The following COL23A1 variants were observed in gnomAD, a reference collection of about 807,000 sequenced individuals.
COL23A1 encodes the protein collagen type XXIII alpha 1 chain.
Under a neutral mutation model 99.3 loss-of-function variants are expected in COL23A1, and 97 were observed. That is an observed-to-expected ratio of 0.98 (90% confidence interval 0.83 to 1.16). The LOEUF is 1.16. COL23A1 is among the 50% of genes most tolerant of loss of function. The pLI, the probability that COL23A1 is intolerant of heterozygous loss-of-function variation, is 0.00. For synonymous variants in COL23A1, 320 were observed against 308.2 expected (o/e 1.04, Z -0.40); for missense variants, 762 against 757.4 (o/e 1.01, Z -0.07).
intron 2 of COL23A1, among the ~76,000 whole-genome samples, chr5:178,526,241 G>A (rs1057229702): frequency 6.6e-6 from 1 of 152,186 alleles, no homozygotes; most frequent in Non-Finnish European, 1.5e-5. Flanking sequence ...TGGCTGCCCC[G>A]GGAACTGCCC....
At chr5:178,491,192 G>A (rs1402971536) in intron 2 of COL23A1, among the ~76,000 whole-genome samples, 4 of 151,908 alleles carry the variant, frequency 2.6e-5, no homozygotes, top group Non-Finnish European at 4.4e-5. Context: ...AACGAGGAGG[G>A]GGGAGATTAC....
At chr5:178,381,790 C>A (rs1437871368) in intron 2 of COL23A1, among the ~76,000 whole-genome samples, 1 of 152,196 alleles carries the variant, frequency 6.6e-6, no homozygotes, top group Non-Finnish European at 1.5e-5. Flanking sequence ...TGGGTGCCAC[C>A]ACGCCCGGCT....
chr5:178,440,236 C>A (rs1393057811), intron 2 of COL23A1, among the ~76,000 whole-genome samples: 1 of 152,182 alleles, frequency 6.6e-6, no homozygotes, highest in African/African-American at 2.4e-5. Flanking sequence ...TTGCTGGACA[C>A]CCAATGTGCT....
intron 18 of COL23A1, 38 bp downstream of exon 18, chr5:178,250,023 G>A (rs1764948771): frequency 1.9e-6 from 3 of 1,610,332 alleles, no homozygotes; most frequent in Non-Finnish European, 1.7e-6. Flanking sequence ...CCCAATACCA[G>A]GCACTGGCAT....
intron 1 of COL23A1, among the ~76,000 whole-genome samples, chr5:178,587,801 G>T (rs982734336): frequency 6.6e-6 from 1 of 152,072 alleles, no homozygotes; most frequent in Non-Finnish European, 1.5e-5. Context: ...CATTGTTACC[G>T]GCCAGGCTGT....
At chr5:178,394,107 G>C (rs1216819337) in intron 2 of COL23A1, among the ~76,000 whole-genome samples, 4 of 152,216 alleles carry the variant, frequency 2.6e-5, no homozygotes, top group Non-Finnish European at 4.4e-5. Context: ...AGGGCAGGAG[G>C]AAGGGAAGCT....
intron 18 of COL23A1, among the ~76,000 whole-genome samples, chr5:178,249,716 A>ACTCACTCTCTCTCTCTCT (rs1554125190): frequency 2.9e-4 from 27 of 92,804 alleles, no homozygotes; most frequent in Non-Finnish European, 4.4e-4. Context: ...ACACACACAC[A>ACTCACTCTCTCTCTCTCT]CTCTCTCTCT....
At chr5:178,423,097 G>T (rs1765722246) in intron 2 of COL23A1, among the ~76,000 whole-genome samples, 1 of 152,074 alleles carries the variant, frequency 6.6e-6, no homozygotes, top group Non-Finnish European at 1.5e-5. Context: ...CTTCCCAGTA[G>T]CTGGGACCCC....
chr5:178,569,794 C>T (rs1161482903), intron 1 of COL23A1, among the ~76,000 whole-genome samples: 1 of 152,146 alleles, frequency 6.6e-6, no homozygotes, highest in Admixed American at 6.5e-5. Flanking sequence ...ACTCTCAGTT[C>T]CCAGAGGCAG....
At chr5:178,457,563 A>G (rs1253530500) in intron 2 of COL23A1, among the ~76,000 whole-genome samples, 1 of 152,186 alleles carries the variant, frequency 6.6e-6, no homozygotes, top group African/African-American at 2.4e-5. Context: ...TTAATGTTCA[A>G]AAGTAGAAAA....
intron 2 of COL23A1, among the ~76,000 whole-genome samples, chr5:178,377,313 A>G (rs1342480417): frequency 1.3e-5 from 2 of 152,190 alleles, no homozygotes; most frequent in Non-Finnish European, 2.9e-5. Context: ...GTGCAAAGGC[A>G]GTGTGTTCCT....
In COL23A1 at chr5:178,384,252, C is replaced by T. The variant is rs1304938930; in HGVS notation, c.362-77333G>A. On this transcript the variant is annotated intron_variant, in intron 2 of 28. Coordinates refer to ENST00000390654, the MANE Select transcript of COL23A1 (RefSeq NM_173465.4). This position sits in a 1 kb window ranked among gnomAD's most constrained non-coding sequence, Gnocchi z 5.5. ...GAGCTGAGCTGCGATCGCAAATGCACGCAGCTCCCCGCCCAGGGCAGTTCT... is the reference window on the plus strand; with the variant it reads ...GAGCTGAGCTGCGATCGCAAATGCATGCAGCTCCCCGCCCAGGGCAGTTCT... Among the ~76,000 whole-genome samples the T allele has an allele frequency of 2.0e-5, 3 of 152,192 alleles. No homozygotes were observed. The highest frequency in any genetic ancestry group is 4.4e-5 in the Non-Finnish European group (3 of 68,034).
At chr5:178,272,653 T>C (rs1011051994) in intron 5 of COL23A1, among the ~76,000 whole-genome samples, 11 of 152,154 alleles carry the variant, frequency 7.2e-5, no homozygotes, top group African/African-American at 2.7e-4. Context: ...GACAGTGTCC[T>C]CTTGCCAGTT....
intron 11 of COL23A1, among the ~76,000 whole-genome samples, chr5:178,260,622 C>T (rs1765574464): frequency 1.3e-5 from 2 of 152,110 alleles, no homozygotes; most frequent in Non-Finnish European, 2.9e-5. Context: ...TGGTGAAACC[C>T]CATCTCTACT....
intron 2 of COL23A1, among the ~76,000 whole-genome samples, chr5:178,530,793 C>T (rs1415672129): frequency 6.6e-6 from 1 of 152,236 alleles, no homozygotes; most frequent in Non-Finnish European, 1.5e-5. Context: ...TAGCCTCCCT[C>T]CCAGCTGACA....
At chr5:178,406,316 G>A (rs539155748) in intron 2 of COL23A1, among the ~76,000 whole-genome samples, 1 of 152,274 alleles carries the variant, frequency 6.6e-6, no homozygotes, top group African/African-American at 2.4e-5. Context: ...AAACACAGTG[G>A]AAGACATGCT....
intron 2 of COL23A1, among the ~76,000 whole-genome samples, chr5:178,518,883 G>A (rs1474886468): frequency 6.7e-6 from 1 of 149,290 alleles, no homozygotes; most frequent in Admixed American, 6.7e-5. Flanking sequence ...GGCAAAGACT[G>A]AGACAGCTCC....
chr5:178,283,510 A>G lies in COL23A1; in HGVS notation c.441+4814T>C, dbSNP rs576800449. On this transcript the variant is annotated intron_variant, in intron 5 of 28. Coordinates refer to ENST00000390654, the MANE Select transcript of COL23A1 (RefSeq NM_173465.4). ...TATTTAATCCAAATTATACCTGTCC[A>G]TTCACCCAGCCAACACTCTCATCAC... Among the ~76,000 whole-genome samples, 50 of 152,276 alleles carry G rather than the reference A, an allele frequency of 3.3e-4. No homozygotes were observed. In the South Asian group the frequency reaches 9.3e-3, roughly 28 times the overall value.
rs1447916785 is a variant in COL23A1, at chr5:178,358,065, ATT to A, written c.362-51148_362-51147del. Reference sequence around the variant, plus strand: ...GTGTATGTATGTCTAATGTATGTGTATTGTGTGTATGTGTATGTACGTGTGTA... The same window carrying A: ...GTGTATGTATGTCTAATGTATGTGTAGTGTGTATGTGTATGTACGTGTGTA... On this transcript the variant is annotated intron_variant, in intron 2 of 28. Transcript: ENST00000390654. Among the ~76,000 whole-genome samples, 2 of 121,144 alleles carry A rather than the reference ATT, an allele frequency of 1.7e-5. 1 individual carries two copies. The highest frequency in any genetic ancestry group is 3.4e-5 in the Non-Finnish European group (2 of 58,874). The allele number at this position is 121,144 out of a possible 152,430, so 79.5% of individuals were successfully genotyped here. A position where few individuals can be genotyped will look rare whatever the true frequency, so the allele number is the denominator to read the frequency against.
Sources: gnomAD v4.1 joint callset for allele counts (sites outside exome capture counted in the v4.1 genomes callset) on GRCh38, gnomAD v4.1.1 for gene constraint, Gnocchi (gnomAD v3.1) non-coding constraint, MANE v1.5 for transcripts, NCBI Gene and HGNC (gene_info 2026-07-23, HGNC 2026-07-21) for gene names.